The following ANK2 variants were observed in gnomAD, a reference collection of about 807,000 sequenced individuals.
ANK2 encodes ankyrin-2.
In ANK2, 83 loss-of-function variants were observed where a neutral mutation model predicts 360.5. That is an observed-to-expected ratio of 0.23 (90% CI 0.19 to 0.28). The LOEUF (loss-of-function observed/expected upper bound fraction) is 0.28. ANK2 is among the 10% of genes least tolerant of loss of function. ANK2 has a pLI of 1.00. For missense variants in ANK2, 4,201 were observed against 4,795.7 expected (o/e 0.88, Z 3.66); for synonymous variants, 1,740 against 1,759.5 (o/e 0.99, Z 0.28).
chr4:113,187,308 C>T (rs893480285), intron 2 of ANK2, among the ~76,000 whole-genome samples: 9 of 152,132 alleles, frequency 5.9e-5, no homozygotes, highest in Non-Finnish European at 1.3e-4. Context: ...GCAGAGAAAA[C>T]CATTTATCAG....
At position 113,355,678 on chromosome 4, in the gene ANK2, C is replaced by T. The variant is rs752092273; in HGVS notation, c.7060C>T (p.Arg2354Cys). The T allele has an allele frequency of 1.4e-5, 23 of 1,614,000 alleles. No homozygotes were observed. The highest frequency in any genetic ancestry group is 6.7e-5 in the Admixed American group (4 of 60,004). Reference protein sequence around the residue: ...TEEAACDEGQRTFGSSAHKTQ... With the variant: ...TEEAACDEGQCTFGSSAHKTQ... The stretch of plus-strand genomic sequence containing the variant: ...GGAGGCAGCCTGTGATGAAGGTCAA[C>T]GTACCTTTGGTAGTTCAGCCCACAA... The change falls in exon 38 of 46, where the codon CGT becomes TGT. Residue 2354 changes from arginine (R) to cysteine (C), a missense_variant. Physicochemically the swap from Arg to Cys is radical, Grantham distance 180. This residue lies in a region of ANK2 where 2,642 missense variants were observed against 2,714.5 expected (regional missense o/e 0.97). Transcript: ENST00000357077.
chr4:112,920,038 ATTT>A (rs1655665107), intron 2 of ANK2, among the ~76,000 whole-genome samples: 4 of 152,120 alleles, frequency 2.6e-5, no homozygotes, highest in African/African-American at 9.7e-5. Flanking sequence ...TTTTCAGATC[ATTT>A]GGTCCAATGA....
intron 1 of ANK2, among the ~76,000 whole-genome samples, chr4:112,859,277 A>G (rs2067243051): frequency 6.6e-6 from 1 of 152,254 alleles, no homozygotes; most frequent in South Asian, 2.1e-4. Flanking sequence ...TCCTGGGCAA[A>G]GCAAAAGAGA....
At chr4:112,746,948 A>G in the ANK2 span, among the ~76,000 whole-genome samples, 1 of 152,228 alleles carries the variant, frequency 6.6e-6, no homozygotes, top group African/African-American at 2.4e-5. Flanking sequence ...GTGGTCACGC[A>G]TTTACGAAAT....
chr4:112,949,175 C>T (rs984989548), intron 2 of ANK2, among the ~76,000 whole-genome samples: 1 of 151,822 alleles, frequency 6.6e-6, no homozygotes. Context: ...TGAATTGTTT[C>T]GCTGATTTCA....
At position 112,990,015 on chromosome 4, in the gene ANK2, A is replaced by G. The variant is rs1219647684; in HGVS notation, c.21+85501A>G. 3.3e-5 allele frequency among the ~76,000 whole-genome samples: 5 copies of G among 152,344 alleles called. No homozygotes were observed. In the South Asian group the frequency reaches 8.3e-4, roughly 25 times the overall value. ...TCTGGGCACAGTGACTTATGCCTGT[A>G]ATCCTAATGCTTTGGGAGCCTGAGG... On this transcript the variant is annotated intron_variant, in intron 2 of 30. Coordinates refer to the ANK2 transcript ENST00000503271.
intron 1 of ANK2, among the ~76,000 whole-genome samples, chr4:112,823,788 C>G (rs1433317628): frequency 1.3e-5 from 2 of 152,228 alleles, no homozygotes; most frequent in African/African-American, 4.8e-5. Flanking sequence ...ACACACTGGG[C>G]TCTCAGCCCA....
intron 1 of ANK2, among the ~76,000 whole-genome samples, chr4:112,900,428 A>G (rs751207881): frequency 4.6e-5 from 7 of 152,242 alleles, no homozygotes; most frequent in Non-Finnish European, 1.0e-4. Context: ...ATGGTGAAGC[A>G]TTATTTAACC....
At chr4:112,959,038 CG>C in intron 2 of ANK2, among the ~76,000 whole-genome samples, 1 of 151,924 alleles carries the variant, frequency 6.6e-6, no homozygotes, top group South Asian at 2.1e-4. Flanking sequence ...TTAGTAGAGG[CG>C]GGGTTTCACC....
intron 3 of ANK2, 110 bp from the exon 4 acceptor site, chr4:113,198,898 TAAC>T: frequency 2.2e-6 from 2 of 902,504 alleles, no homozygotes; most frequent in Non-Finnish European, 3.5e-6. Flanking sequence ...TCTTGATAAA[TAAC>T]AAATTTTAAT....
chr4:113,236,419 G>A (rs1585645241), intron 5 of ANK2, among the ~76,000 whole-genome samples: 1 of 152,026 alleles, frequency 6.6e-6, no homozygotes, highest in African/African-American at 2.4e-5. Context: ...ACTATTAAGA[G>A]CATAATTAAT....
chr4:113,133,959 A>G (rs772542919), intron 1 of ANK2, among the ~76,000 whole-genome samples: 4 of 152,178 alleles, frequency 2.6e-5, no homozygotes, highest in Non-Finnish European at 5.9e-5. Context: ...CAAGGAACAG[A>G]CAAACAAAAT....
chr4:113,197,668 C>T (rs1444355850), intron 3 of ANK2, among the ~76,000 whole-genome samples: 1 of 152,096 alleles, frequency 6.6e-6, no homozygotes, highest in Non-Finnish European at 1.5e-5. Flanking sequence ...ACAAAATGTG[C>T]ATTGGTTCTG....
chr4:113,312,286 A>G (rs1291060184), intron 24 of ANK2, among the ~76,000 whole-genome samples: 2 of 151,734 alleles, frequency 1.3e-5, no homozygotes, highest in African/African-American at 4.8e-5. Flanking sequence ...ACAGAAAAAA[A>G]AAAAAAGAAA....
Position 113,242,167 on chromosome 4 carries a change from G to A in ANK2, c.849G>A (p.Lys283=). 1 of 1,614,034 alleles carries A rather than the reference G, an allele frequency of 6.2e-7. No homozygotes were observed. Among genetic ancestry groups the A allele is most frequent in the Non-Finnish European group, 8.5e-7 (1 of 1,179,954 alleles). The change falls in exon 9 of 46, where the codon AAG becomes AAA. Residue 283 remains lysine, a synonymous_variant. Transcript: ENST00000357077. ...ASKRGNTNMV[K]LLLDRGGQID... is the part of the protein sequence containing the mutation. ...AAAGAGGAAATACAAACATGGTGAA[G>A]CTCTTACTGGATCGAGGCGGTCAGA...
At chr4:113,201,917 C>T (rs1243019468) in intron 4 of ANK2, among the ~76,000 whole-genome samples, 2 of 152,054 alleles carry the variant, frequency 1.3e-5, no homozygotes, top group African/African-American at 4.8e-5. Context: ...TAAAATAATC[C>T]TATTTGTAAT....
intron 14 of ANK2, among the ~76,000 whole-genome samples, chr4:113,269,738 C>T (rs960074464): frequency 3.9e-5 from 6 of 152,182 alleles, no homozygotes; most frequent in East Asian, 1.9e-4. Flanking sequence ...TGCCAGCCTC[C>T]GGCCACTTCC....
At chr4:112,945,195 G>A (rs1443081511) in intron 2 of ANK2, among the ~76,000 whole-genome samples, 4 of 152,132 alleles carry the variant, frequency 2.6e-5, no homozygotes, top group Non-Finnish European at 5.9e-5. Context: ...GAATAAACAT[G>A]ACAAAATATG....
At chr4:112,977,469 T>A (rs2041807177) in intron 2 of ANK2, among the ~76,000 whole-genome samples, 1 of 152,038 alleles carries the variant, frequency 6.6e-6, no homozygotes, top group Non-Finnish European at 1.5e-5. Flanking sequence ...TTCTTTTAAG[T>A]GTGATTATTA....
Sources: gnomAD v4.1 joint callset for allele counts (sites outside exome capture counted in the v4.1 genomes callset) on GRCh38, gnomAD v4.1.1 for gene constraint, gnomAD v4.1.1 regional missense constraint, MANE v1.5 for transcripts, NCBI Gene and HGNC (gene_info 2026-07-23, HGNC 2026-07-21) for gene names.